Variants in KCNAB1 observed in about 807,000 individuals in gnomAD.
KCNAB1 encodes potassium voltage-gated channel subfamily A regulatory beta subunit 1, also known as voltage-gated potassium channel subunit beta-1.
KCNAB1 carries 35 observed loss-of-function variants against 64.6 expected under a neutral mutation model. The observed-to-expected ratio is 0.54, with a 90% CI of 0.41 to 0.72. The LOEUF is 0.72. KCNAB1 is among the 30% of genes least tolerant of loss of function. The pLI is 0.00. For synonymous variants in KCNAB1, 177 were observed against 183.8 expected, an observed-to-expected ratio of 0.96 and a Z score of 0.30; for missense variants, 401 against 512.9, an observed-to-expected ratio of 0.78 and a Z score of 2.11.
At chr3:156,332,438 C>G (rs1004808525) in intron 1 of KCNAB1, among the ~76,000 whole-genome samples, 1 of 152,142 alleles carries the variant, frequency 6.6e-6, no homozygotes, top group Non-Finnish European at 1.5e-5. Flanking sequence ...TACCCATAAA[C>G]TTGTGCATTA....
At chr3:156,221,799 T>G (rs866756506) in intron 1 of KCNAB1, among the ~76,000 whole-genome samples, 2 of 147,464 alleles carry the variant, frequency 1.4e-5, no homozygotes, top group Non-Finnish European at 1.5e-5. Flanking sequence ...AAAAAAAGTT[T>G]TGTGTCCAGC....
chr3:156,165,209 C>T (rs1379939450), intron 1 of KCNAB1, among the ~76,000 whole-genome samples: 2 of 123,528 alleles, frequency 1.6e-5, no homozygotes, highest in African/African-American at 3.1e-5. Context: ...ACCCGGGAGG[C>T]GGAGCTTGCA....
chr3:156,467,233 G>T (rs545892912), intron 7 of KCNAB1, among the ~76,000 whole-genome samples: 70 of 152,144 alleles, frequency 4.6e-4, no homozygotes, highest in African/African-American at 1.6e-3. Flanking sequence ...GAAACTCCAT[G>T]TACAGTTTCT....
chr3:156,173,301 A>C (rs1712131040), intron 1 of KCNAB1, among the ~76,000 whole-genome samples: 2 of 152,178 alleles, frequency 1.3e-5, no homozygotes, highest in Admixed American at 1.3e-4. Context: ...TGAGTTAACC[A>C]GGGTGTTTCC....
At chr3:156,167,205 GC>G (rs1395592115) in intron 1 of KCNAB1, among the ~76,000 whole-genome samples, 1 of 152,150 alleles carries the variant, frequency 6.6e-6, no homozygotes, top group African/African-American at 2.4e-5. Flanking sequence ...AGTGGACAAT[GC>G]CCCAGACCAC....
chr3:156,302,727 G>C (rs1476943204), intron 1 of KCNAB1, among the ~76,000 whole-genome samples: 1 of 152,110 alleles, frequency 6.6e-6, no homozygotes, highest in Non-Finnish European at 1.5e-5. Context: ...ACACCTACGA[G>C]GAGTATCTCT....
intron 1 of KCNAB1, among the ~76,000 whole-genome samples, chr3:156,276,921 C>G (rs1388903842): frequency 2.0e-5 from 3 of 152,094 alleles, no homozygotes; most frequent in Non-Finnish European, 2.9e-5. Flanking sequence ...AGGAATTTTT[C>G]CTTTGCATTC....
At chr3:156,303,693 A>C (rs1189255872) in intron 1 of KCNAB1, among the ~76,000 whole-genome samples, 1 of 152,182 alleles carries the variant, frequency 6.6e-6, no homozygotes. Context: ...ATCTTTATAT[A>C]GATAGGGCAG....
chr3:156,279,397 T>C (rs531550804), intron 1 of KCNAB1, among the ~76,000 whole-genome samples: 2,453 of 152,282 alleles, frequency 0.016, 52 homozygotes, highest in Non-Finnish European at 0.02. Flanking sequence ...TCCAAGTCTT[T>C]GCTATTGTGA....
chr3:156,276,219 T>A (rs1184783283), intron 1 of KCNAB1, among the ~76,000 whole-genome samples: 1 of 152,150 alleles, frequency 6.6e-6, no homozygotes, highest in East Asian at 1.9e-4. Context: ...GAAATATGTC[T>A]TTTTTTCTAA....
At chr3:156,403,275 A>C (rs2108195404) in intron 1 of KCNAB1, among the ~76,000 whole-genome samples, 1 of 152,306 alleles carries the variant, frequency 6.6e-6, no homozygotes, top group South Asian at 2.1e-4. Flanking sequence ...CTTCTGGTCA[A>C]GCCATGCTAA....
At chr3:156,296,587 C>A (rs1720800967) in intron 1 of KCNAB1, among the ~76,000 whole-genome samples, 1 of 151,278 alleles carries the variant, frequency 6.6e-6, no homozygotes, top group Admixed American at 6.6e-5. Flanking sequence ...CATTCTCCTG[C>A]CTCAGCCTCC....
chr3:156,217,347 A>G (rs866808789), intron 1 of KCNAB1, among the ~76,000 whole-genome samples: 1 of 152,226 alleles, frequency 6.6e-6, no homozygotes, highest in Non-Finnish European at 1.5e-5. Flanking sequence ...ACAACAAAAA[A>G]GTTAATATGA....
chr3:156,139,460 T>A (rs2108276314), intron 1 of KCNAB1, among the ~76,000 whole-genome samples: 1 of 152,266 alleles, frequency 6.6e-6, no homozygotes, highest in Admixed American at 6.5e-5. Context: ...CCAGGTGTTC[T>A]CAGCCCTGGA....
chr3:156,406,461 A>G (rs1490286599), intron 1 of KCNAB1, among the ~76,000 whole-genome samples: 1 of 152,176 alleles, frequency 6.6e-6, no homozygotes, highest in Non-Finnish European at 1.5e-5. Context: ...ACAGCAGTGG[A>G]AGAAGTCACC....
At chr3:156,294,135 C>G (rs951360311) in intron 1 of KCNAB1, among the ~76,000 whole-genome samples, 1 of 152,182 alleles carries the variant, frequency 6.6e-6, no homozygotes, top group Non-Finnish European at 1.5e-5. Flanking sequence ...TAAGGTTTTT[C>G]TGGTGGCACA....
At chr3:156,509,772 C>G (rs556703868) in intron 8 of KCNAB1, among the ~76,000 whole-genome samples, 1 of 152,344 alleles carries the variant, frequency 6.6e-6, no homozygotes, top group Non-Finnish European at 1.5e-5. Context: ...ACTAAACTAT[C>G]TTTCTAACAT....
intron 1 of KCNAB1, among the ~76,000 whole-genome samples, chr3:156,145,575 A>C (rs1285834846): frequency 3.9e-5 from 6 of 152,168 alleles, no homozygotes; most frequent in Admixed American, 3.9e-4. Flanking sequence ...CCCCTCAGGA[A>C]AAAGAGGGTG....
intron 1 of KCNAB1, among the ~76,000 whole-genome samples, chr3:156,350,671 C>A (rs144509038): frequency 2.0e-5 from 3 of 152,134 alleles, no homozygotes; most frequent in Non-Finnish European, 2.9e-5. Context: ...TAACCTTTGC[C>A]TCCTGAAGAT....
Sources: allele counts gnomAD v4.1 joint callset (sites outside exome capture counted in the v4.1 genomes callset), GRCh38; gene constraint gnomAD v4.1.1; transcripts MANE v1.5; gene names NCBI Gene and HGNC (gene_info 2026-07-23, HGNC 2026-07-21).